Variants in TRAPPC12 observed in about 807,000 individuals in gnomAD.
TRAPPC12 encodes trafficking protein particle complex subunit 12, also known as TPR repeat protein 15.
TRAPPC12 carries 61 observed loss-of-function variants against 69.2 expected under a neutral mutation model. The observed-to-expected ratio is 0.88, with a 90% CI of 0.72 to 1.09. The LOEUF (loss-of-function observed/expected upper bound fraction) is 1.09. TRAPPC12 is among the 50% of genes least tolerant of loss of function. The pLI is 0.00. For missense variants in TRAPPC12, 1,101 were observed against 1,016.4 expected, an observed-to-expected ratio of 1.08 and a Z score of -1.13; for synonymous variants, 469 against 438.9, an observed-to-expected ratio of 1.07 and a Z score of -0.86.
At chr2:3,420,121 A>C (rs1413384142) in intron 3 of TRAPPC12, among the ~76,000 whole-genome samples, 2 of 152,198 alleles carry the variant, frequency 1.3e-5, no homozygotes, top group Non-Finnish European at 2.9e-5. Context: ...GAGGCAACCA[A>C]GGGGTCCTTC....
Position 3,379,767 on chromosome 2 carries a change from C to A in TRAPPC12, c.-114C>A, listed in dbSNP as rs10176767. On this transcript the variant is annotated 5_prime_UTR_variant, in exon 1 of 12. Transcript: ENST00000324266. ...CCGGCACGCGCAGGCGTACAGAGCT[C>A]CCCGGGGGTGCCAGTTCCTCTCCGA... 0.14 allele frequency: 21,688 copies of A among 152,478 alleles called. 1,958 individuals are homozygous for A. Among genetic ancestry groups the A allele is most frequent in the Non-Finnish European group, 0.2 (13,811 of 68,220 alleles). The allele number at this position is 152,478 out of a possible 1,614,324, so 9.4% of individuals were successfully genotyped here.
intron 6 of TRAPPC12, chr2:3,456,765 G>C (rs1365371745): frequency 4.0e-6 from 1 of 253,118 alleles, no homozygotes; most frequent in Non-Finnish European, 7.7e-6. Flanking sequence ...TTTTTGTAGA[G>C]ATGGGGTTTT....
chr2:3,414,499 A>G lies in TRAPPC12; in HGVS notation c.1165-7382A>G, dbSNP rs538114013. ...TCTGCCACTCTGGGGTCCAGCCTCTAGCTCCAGCTCCAGCTCAGCCTCACC... is the reference window on the plus strand; with the variant it reads ...TCTGCCACTCTGGGGTCCAGCCTCTGGCTCCAGCTCCAGCTCAGCCTCACC... On this transcript the variant is annotated intron_variant, in intron 3 of 11. Coordinates refer to ENST00000324266, the MANE Select transcript of TRAPPC12 (RefSeq NM_016030.6). The surrounding 1 kb of genome is among the most constrained non-coding windows in gnomAD (Gnocchi z 4.9). Among the ~76,000 whole-genome samples, 1 of 151,308 alleles carries G rather than the reference A, an allele frequency of 6.6e-6. No individual in the cohort carries two copies. The highest frequency in any genetic ancestry group is 2.1e-4 in the South Asian group (1 of 4,774).
chr2:3,411,863 T>G (rs1161388508), intron 3 of TRAPPC12, among the ~76,000 whole-genome samples: 4 of 152,368 alleles, frequency 2.6e-5, no homozygotes, highest in African/African-American at 4.8e-5. Context: ...TCATTCCAGG[T>G]TATGTTTTCC....
chr2:3,445,695 C>G (rs1158261522), intron 6 of TRAPPC12, among the ~76,000 whole-genome samples: 1 of 152,214 alleles, frequency 6.6e-6, no homozygotes, highest in Non-Finnish European at 1.5e-5. Context: ...GAGTTGAACC[C>G]AAGTCATCTG....
chr2:3,392,036 T>C (rs1660855071), intron 2 of TRAPPC12, among the ~76,000 whole-genome samples: 1 of 152,118 alleles, frequency 6.6e-6, no homozygotes, highest in South Asian at 2.1e-4. Context: ...CCAACGGTCT[T>C]AGGTACATTT....
chr2:3,447,463 CGA>C, intron 6 of TRAPPC12, among the ~76,000 whole-genome samples: 1 of 152,142 alleles, frequency 6.6e-6, no homozygotes, highest in Admixed American at 6.5e-5. Flanking sequence ...AGAAAGACAG[CGA>C]GAGAGAAGAG....
intron 5 of TRAPPC12, 185 bp from the exon 6 acceptor site, chr2:3,443,594 C>G (rs2103101200): frequency 1.6e-6 from 1 of 630,698 alleles, no homozygotes; most frequent in East Asian, 2.8e-5. Context: ...GACATACATA[C>G]ATAGAGCTCC....
At chr2:3,398,982 T>C (rs1011620528) in intron 2 of TRAPPC12, among the ~76,000 whole-genome samples, 15 of 152,014 alleles carry the variant, frequency 9.9e-5, no homozygotes, top group African/African-American at 3.6e-4. Flanking sequence ...CCACCTCCCC[T>C]GCACAGTAAC....
chr2:3,447,610 C>G (rs1254112347), intron 6 of TRAPPC12, among the ~76,000 whole-genome samples: 4 of 152,244 alleles, frequency 2.6e-5, no homozygotes, highest in Non-Finnish European at 5.9e-5. Context: ...CAAACACCCC[C>G]CACCAGGCCC....
Position 3,454,037 on chromosome 2 carries a change from T to C in TRAPPC12, c.1531-3584T>C, listed in dbSNP as rs547607646. Among the ~76,000 whole-genome samples the C allele has an allele frequency of 3.9e-5, 6 of 152,334 alleles. No individual in the cohort carries two copies. The South Asian group carries it at 1.2e-3, about 32-fold the overall frequency. ...ACCCTACAAATAAAACAATAGTCACTGAGGGTCAGAAGGTTGTGTCTGATA... is the reference window on the plus strand; with the variant it reads ...ACCCTACAAATAAAACAATAGTCACCGAGGGTCAGAAGGTTGTGTCTGATA... On this transcript the variant is annotated intron_variant, in intron 6 of 11. Coordinates refer to ENST00000324266, the MANE Select transcript of TRAPPC12 (RefSeq NM_016030.6).
chr2:3,422,105 G>A (rs954802060), intron 4 of TRAPPC12, 111 bp downstream of exon 4: 5 of 807,036 alleles, frequency 6.2e-6, no homozygotes, highest in Non-Finnish European at 1.0e-5. Flanking sequence ...TTCATATCCT[G>A]CTTCTTTCTC....
At chr2:3,453,076 C>G (rs556213168) in intron 6 of TRAPPC12, among the ~76,000 whole-genome samples, 2 of 152,236 alleles carry the variant, frequency 1.3e-5, no homozygotes, top group African/African-American at 4.8e-5. Context: ...CATCCCTGTT[C>G]TTGTCACTGC....
At chr2:3,477,665 A>C in intron 9 of TRAPPC12, 30 bp from the exon 10 acceptor site, 1 of 1,430,306 alleles carries the variant, frequency 7.0e-7, no homozygotes, top group South Asian at 1.2e-5. Flanking sequence ...TTCTTTTGTC[A>C]ACTAAACTGA....
At chr2:3,393,112 T>TAA (rs200547212) in intron 2 of TRAPPC12, among the ~76,000 whole-genome samples, 10 of 147,566 alleles carry the variant, frequency 6.8e-5, no homozygotes, top group Admixed American at 1.3e-4. Context: ...CTGTCTCTTT[T>TAA]TAAAAAAAAA....
Position 3,398,780 on chromosome 2 carries a change from G to A in TRAPPC12, c.1048-2997G>A, listed in dbSNP as rs928770284. Among the ~76,000 whole-genome samples the A allele has an allele frequency of 7.9e-5, 12 of 152,320 alleles. No homozygotes were observed. In the East Asian group the frequency reaches 9.7e-4, roughly 12 times the overall value. ...CACCTGACCAGGAGAATGGGGTGGC[G>A]ACATCACGATGAGTCCCAGATTGTG... On this transcript the variant is annotated intron_variant, in intron 2 of 11. Transcript: ENST00000324266.
intron 6 of TRAPPC12, among the ~76,000 whole-genome samples, chr2:3,447,997 C>T (rs970736711): frequency 2.6e-5 from 4 of 152,362 alleles, no homozygotes; most frequent in African/African-American, 9.6e-5. Flanking sequence ...AAACCACACG[C>T]ACACACACAG....
At chr2:3,458,015 G>A (rs1665261208) in intron 7 of TRAPPC12, 1 of 1,169,700 alleles carries the variant, frequency 8.5e-7, no homozygotes, top group African/African-American at 1.6e-5. Context: ...AGCCGAAGGG[G>A]CCCAGAGGGG....
At chr2:3,455,711 C>G (rs950214046) in intron 6 of TRAPPC12, 1 of 152,208 alleles carries the variant, frequency 6.6e-6, no homozygotes, top group Non-Finnish European at 1.5e-5. Context: ...GAAGAGTACT[C>G]CATCGTGTAT....
Sources: gnomAD v4.1 joint callset for allele counts (sites outside exome capture counted in the v4.1 genomes callset) on GRCh38, gnomAD v4.1.1 for gene constraint, Gnocchi (gnomAD v3.1) non-coding constraint, MANE v1.5 for transcripts, NCBI Gene and HGNC (gene_info 2026-07-23, HGNC 2026-07-21) for gene names.